Variants in LRMDA observed in about 807,000 individuals in gnomAD.
LRMDA encodes leucine-rich melanocyte differentiation-associated protein.
A neutral mutation model predicts 29.8 loss-of-function variants in LRMDA; 18 were observed. The observed-to-expected ratio is 0.60, with a 90% CI of 0.42 to 0.90. The LOEUF is 0.90. Ranked by LOEUF, LRMDA falls within the 40% of genes least tolerant of loss-of-function variation. The pLI is 0.00. For missense variants in LRMDA, 273 were observed against 273.9 expected, an observed-to-expected ratio of 1.00 and a Z score of 0.02; for synonymous variants, 125 against 109.4, an observed-to-expected ratio of 1.14 and a Z score of -0.89.
intron 2 of LRMDA, among the ~76,000 whole-genome samples, chr10:75,712,546 A>G (rs1448617366): frequency 2.0e-5 from 3 of 152,146 alleles, no homozygotes; most frequent in African/African-American, 7.2e-5. Context: ...GGATTGATGG[A>G]TGGACAAAGC....
intron 6 of LRMDA, among the ~76,000 whole-genome samples, chr10:76,377,102 G>T (rs1841531328): frequency 6.6e-6 from 1 of 151,716 alleles, no homozygotes; most frequent in African/African-American, 2.4e-5. Context: ...AGCCAATATG[G>T]TCTCAATCTC....
At chr10:76,150,235 C>G (rs1291904219) in intron 5 of LRMDA, among the ~76,000 whole-genome samples, 2 of 152,232 alleles carry the variant, frequency 1.3e-5, no homozygotes, top group Admixed American at 1.3e-4. Flanking sequence ...TAAAGCCTAG[C>G]CCAGGTTCTA....
chr10:75,903,011 G>A (rs1369532220), intron 2 of LRMDA, among the ~76,000 whole-genome samples: 1 of 152,220 alleles, frequency 6.6e-6, no homozygotes, highest in Non-Finnish European at 1.5e-5. Context: ...TACAGCTATA[G>A]TGAAAACGCC....
At chr10:76,479,007 C>G (rs1842708895) in intron 6 of LRMDA, among the ~76,000 whole-genome samples, 1 of 151,564 alleles carries the variant, frequency 6.6e-6, no homozygotes, top group African/African-American at 2.4e-5. Flanking sequence ...TGTAACAAAC[C>G]TGCACGTTGT....
At chr10:76,416,258 A>G (rs755305274) in intron 6 of LRMDA, among the ~76,000 whole-genome samples, 1 of 152,174 alleles carries the variant, frequency 6.6e-6, no homozygotes, top group Non-Finnish European at 1.5e-5. Flanking sequence ...CTTGCTGTGG[A>G]GGGAAATGGA....
intron 5 of LRMDA, among the ~76,000 whole-genome samples, chr10:76,188,604 C>A (rs1359026942): frequency 6.6e-6 from 1 of 151,696 alleles, no homozygotes; most frequent in East Asian, 2.0e-4. Flanking sequence ...AATAACACTT[C>A]CAAAGTGTAC....
intron 6 of LRMDA, among the ~76,000 whole-genome samples, chr10:76,478,827 T>C (rs965674617): frequency 5.4e-5 from 8 of 149,142 alleles, no homozygotes; most frequent in South Asian, 2.1e-4. Context: ...TGTTCTCACT[T>C]ATAGGTGGGA....
intron 2 of LRMDA, among the ~76,000 whole-genome samples, chr10:75,691,106 A>AGATCTATATAT (rs1842144044): frequency 2.4e-5 from 2 of 83,436 alleles, no homozygotes; most frequent in Non-Finnish European, 4.3e-5. Flanking sequence ...ATAGATATAT[A>AGATCTATATAT]GATCTATATA....
intron 6 of LRMDA, among the ~76,000 whole-genome samples, chr10:76,528,700 A>G (rs565499851): frequency 6.6e-6 from 1 of 152,318 alleles, no homozygotes; most frequent in South Asian, 2.1e-4. Context: ...CCCAAATACC[A>G]GTAGCTTTAA....
At position 76,251,314 on chromosome 10, in the gene LRMDA, G is replaced by A. The variant is rs544580881; in HGVS notation, c.517-73087G>A. Among the ~76,000 whole-genome samples, 514 of 129,432 alleles carry A rather than the reference G, an allele frequency of 4.0e-3. 4 individuals carry two copies. Among genetic ancestry groups the A allele is most frequent in the African/African-American group, 0.014 (483 of 34,906 alleles). 84.9% of individuals were successfully genotyped at this position (129,432 alleles called of 152,430 possible). A position where few individuals can be genotyped will look rare whatever the true frequency, so the allele number is the denominator to read the frequency against. ...AGGCCGGACTGCGGACTGCAGTGGC[G>A]CAATCTCGGCTCACTGCAAGCTCCG... On this transcript the variant is annotated intron_variant, in intron 5 of 6. Transcript: ENST00000611255.
At chr10:75,985,424 T>C (rs1847246374) in intron 2 of LRMDA, among the ~76,000 whole-genome samples, 1 of 152,190 alleles carries the variant, frequency 6.6e-6, no homozygotes, top group Non-Finnish European at 1.5e-5. Flanking sequence ...TGCTGCCATC[T>C]CTCTCCTGCC....
chr10:75,994,993 ATCTT>A (rs1473850694), intron 2 of LRMDA, among the ~76,000 whole-genome samples: 1 of 151,706 alleles, frequency 6.6e-6, no homozygotes, highest in African/African-American at 2.4e-5. Context: ...CTCTCTTTTG[ATCTT>A]TCTTTATCTG....
At chr10:75,672,085 G>A (rs1021672352) in intron 2 of LRMDA, among the ~76,000 whole-genome samples, 14 of 152,156 alleles carry the variant, frequency 9.2e-5, no homozygotes, top group Admixed American at 3.9e-4. Flanking sequence ...TTTCCTTCAA[G>A]CCACTTTGGG....
At chr10:76,168,581 T>TA (rs1446593348) in intron 5 of LRMDA, among the ~76,000 whole-genome samples, 2 of 152,104 alleles carry the variant, frequency 1.3e-5, no homozygotes, top group Non-Finnish European at 2.9e-5. Flanking sequence ...GTACTGAGTT[T>TA]AAAGTTTAGG....
At chr10:75,523,861 A>G (rs1380448673) in intron 2 of LRMDA, among the ~76,000 whole-genome samples, 1 of 152,072 alleles carries the variant, frequency 6.6e-6, no homozygotes. Flanking sequence ...GTGTCTGATA[A>G]AATGTCAGCC....
rs1327628849 is a variant in LRMDA at position 76,557,925 on chromosome 10, C to T, written c.*637C>T. 1.3e-5 allele frequency: 2 copies of T among 152,244 alleles called. No homozygotes were observed. Among genetic ancestry groups the T allele is most frequent in the Admixed American group, 6.5e-5 (1 of 15,288 alleles). 9.4% of individuals were successfully genotyped at this position (152,244 alleles called of 1,614,324 possible). A position where few individuals can be genotyped will look rare whatever the true frequency, so the allele number is the denominator to read the frequency against. On this transcript the variant is annotated 3_prime_UTR_variant, in exon 7 of 7. Transcript: ENST00000611255. The stretch of plus-strand genomic sequence containing the variant: ...GGAGAACAAGGTATAACTTCCCAGC[C>T]AGGTCATACATTTATGGCTGGCTTC...
At position 75,547,502 on chromosome 10, in the gene LRMDA, C is replaced by A. The variant is rs1413313050; in HGVS notation, c.131+109008C>A. On this transcript the variant is annotated intron_variant, in intron 2 of 6. Transcript: ENST00000611255. ...CTGCACTGGGGCTGTGGTGCCCACA[C>A]AATGGCCAAAACCACTGTGGCCACA... Among the ~76,000 whole-genome samples, 3 of 152,210 alleles carry A rather than the reference C, an allele frequency of 2.0e-5. No individual in the cohort carries two copies. In the East Asian group the frequency reaches 5.8e-4, roughly 29 times the overall value.
intron 2 of LRMDA, among the ~76,000 whole-genome samples, chr10:75,611,138 C>T (rs1337830536): frequency 6.6e-6 from 1 of 152,072 alleles, no homozygotes; most frequent in Admixed American, 6.6e-5. Context: ...GAAGCCCTGC[C>T]TCTTTGGTGT....
rs180996220 is a variant in LRMDA at position 75,817,244 on chromosome 10, T to C, written c.132-218764T>C. 3.7e-4 allele frequency among the ~76,000 whole-genome samples: 57 copies of C among 152,342 alleles called. No homozygotes were observed. In the East Asian group the frequency reaches 5.6e-3, roughly 15 times the overall value. On this transcript the variant is annotated intron_variant, in intron 2 of 6. Transcript: ENST00000611255. ...CCAGAACTCAACCCAAGGGATCCAATTGGACCCATGCCTAACAGTTAGAAG... is the reference window on the plus strand; with the variant it reads ...CCAGAACTCAACCCAAGGGATCCAACTGGACCCATGCCTAACAGTTAGAAG...
Sources: allele counts gnomAD v4.1 joint callset (sites outside exome capture counted in the v4.1 genomes callset), GRCh38; gene constraint gnomAD v4.1.1; transcripts MANE v1.5; gene names NCBI Gene and HGNC (gene_info 2026-07-23, HGNC 2026-07-21).